PLCB1: variants seen among roughly 807,000 people sequenced by gnomAD.
PLCB1 encodes 1-phosphatidylinositol 4,5-bisphosphate phosphodiesterase beta-1.
In PLCB1, 46 loss-of-function variants were observed where a neutral mutation model predicts 161.8. The ratio of observed to expected loss-of-function variants is 0.28; its 90% CI spans 0.22 to 0.36. The LOEUF is 0.36. PLCB1 is among the 10% of genes least tolerant of loss of function. PLCB1 has a pLI of 1.00. For synonymous variants in PLCB1, 517 were observed against 503.7 expected (o/e 1.03, Z -0.35); for missense variants, 1,016 against 1,472.5 (o/e 0.69, Z 5.07).
intron 7 of PLCB1, chr20:8,651,510 T>C: frequency 1.4e-6 from 1 of 718,240 alleles, no homozygotes; most frequent in South Asian, 1.5e-5. Context: ...AATAAAATGC[T>C]TGAACCTGCT....
At chr20:8,370,977 A>G (rs558298462) in intron 2 of PLCB1, 84 of 164,636 alleles carry the variant, frequency 5.1e-4, no homozygotes, top group Non-Finnish European at 8.2e-4. Flanking sequence ...CTGGGTATGT[A>G]TGTGAGCCGA....
intron 2 of PLCB1, among the ~76,000 whole-genome samples, chr20:8,318,444 A>G (rs1450442274): frequency 7.0e-6 from 1 of 143,202 alleles, no homozygotes; most frequent in Non-Finnish European, 1.5e-5. Context: ...AGAAATAGAA[A>G]TTGCCCCCCC....
intron 2 of PLCB1, among the ~76,000 whole-genome samples, chr20:8,199,247 G>A (rs779428860): frequency 2.6e-5 from 4 of 151,952 alleles, no homozygotes; most frequent in Admixed American, 6.6e-5. Context: ...TGGAAATTTC[G>A]CCATTGTCGG....
intron 2 of PLCB1, chr20:8,305,999 G>A (rs959039070): frequency 6.6e-6 from 1 of 152,176 alleles, no homozygotes; most frequent in East Asian, 1.9e-4. Context: ...GGGCTAGGAT[G>A]CCTCCAGAAA....
chr20:8,420,086 A>G (rs571965145), intron 3 of PLCB1, among the ~76,000 whole-genome samples: 2 of 152,326 alleles, frequency 1.3e-5, no homozygotes, highest in African/African-American at 4.8e-5. Flanking sequence ...TACTTCCAAT[A>G]CATATTATAA....
intron 3 of PLCB1, among the ~76,000 whole-genome samples, chr20:8,465,548 A>G (rs1981780946): frequency 6.6e-6 from 1 of 152,146 alleles, no homozygotes; most frequent in African/African-American, 2.4e-5. Context: ...CAACTCACAC[A>G]TTTGAAATCA....
chr20:8,726,427 C>A (rs1274814735), intron 16 of PLCB1, among the ~76,000 whole-genome samples: 1 of 151,994 alleles, frequency 6.6e-6, no homozygotes, highest in Non-Finnish European at 1.5e-5. Context: ...GAAGAAATAT[C>A]CGAGACTGGG....
At chr20:8,792,222 T>A (rs1225311076) in intron 31 of PLCB1, 1 of 175,834 alleles carries the variant, frequency 5.7e-6, no homozygotes, top group African/African-American at 2.4e-5. Flanking sequence ...CCTTCCTACA[T>A]CCCCTCTAGC....
intron 2 of PLCB1, among the ~76,000 whole-genome samples, chr20:8,181,460 G>A (rs904508289): frequency 7.2e-5 from 11 of 152,044 alleles, no homozygotes; most frequent in African/African-American, 2.4e-4. Context: ...TTTTTTAAAA[G>A]GAAGAAGTTT....
chr20:8,458,664 A>G (rs970233234), intron 3 of PLCB1, among the ~76,000 whole-genome samples: 1 of 152,116 alleles, frequency 6.6e-6, no homozygotes, highest in African/African-American at 2.4e-5. Flanking sequence ...CGCATATTCA[A>G]TTTGGCCTGC....
intron 3 of PLCB1, among the ~76,000 whole-genome samples, chr20:8,441,300 A>G (rs907503133): frequency 6.6e-6 from 1 of 152,192 alleles, no homozygotes; most frequent in African/African-American, 2.4e-5. Flanking sequence ...CTTACCGACC[A>G]TAATAGGATA....
chr20:8,585,546 C>T (rs986574949), intron 3 of PLCB1, among the ~76,000 whole-genome samples: 7 of 152,222 alleles, frequency 4.6e-5, no homozygotes, highest in African/African-American at 1.4e-4. Flanking sequence ...TCTACCATAT[C>T]GGTTCATGTC....
intron 3 of PLCB1, among the ~76,000 whole-genome samples, chr20:8,551,146 G>A (rs758540869): frequency 1.3e-5 from 2 of 152,014 alleles, no homozygotes; most frequent in Admixed American, 6.6e-5. Context: ...TAAATTGTTG[G>A]TTTTCAATTT....
chr20:8,858,267 C>T (rs6140771), intron 31 of PLCB1, among the ~76,000 whole-genome samples: 42,919 of 152,032 alleles, frequency 0.28, 7,381 homozygotes, highest in East Asian at 0.65. Context: ...TTTGGTAATG[C>T]GGCTCCTGTG....
intron 3 of PLCB1, among the ~76,000 whole-genome samples, chr20:8,482,092 A>AT (rs199634903): frequency 0.02 from 2,140 of 104,588 alleles, 194 homozygotes; most frequent in African/African-American, 0.036. Context: ...GCTTGAAGGA[A>AT]TTTTTTTTTT....
chr20:8,427,855 G>A (rs1377765169), intron 3 of PLCB1, among the ~76,000 whole-genome samples: 1 of 152,154 alleles, frequency 6.6e-6, no homozygotes, highest in Non-Finnish European at 1.5e-5. Context: ...AAAACTGAAT[G>A]TTTCATAATG....
chr20:8,756,875 C>T (rs1037968291), intron 23 of PLCB1, among the ~76,000 whole-genome samples, 171 bp from the exon 24 acceptor site: 1 of 152,164 alleles, frequency 6.6e-6, no homozygotes, highest in Non-Finnish European at 1.5e-5. Context: ...CTCCCATAGT[C>T]ATGGCTCAAC....
rs148022570 is a variant in PLCB1 at position 8,253,794 on chromosome 20, C to T, written c.177+103423C>T. 5.1e-4 allele frequency among the ~76,000 whole-genome samples: 78 copies of T among 151,958 alleles called. 1 individual carries two copies. The highest frequency in any genetic ancestry group is 3.4e-3 in the Middle Eastern group (1 of 294). On this transcript the variant is annotated intron_variant, in intron 2 of 31. Transcript: ENST00000338037. Reference sequence around the variant, plus strand: ...TCCTCCCTCCCCACTCTAGTATTCCCCAGTTTCTATTGTTGCTATCTTTGT... The same window carrying T: ...TCCTCCCTCCCCACTCTAGTATTCCTCAGTTTCTATTGTTGCTATCTTTGT...
chr20:8,180,747 A>G (rs1387671307), intron 2 of PLCB1, among the ~76,000 whole-genome samples: 1 of 152,224 alleles, frequency 6.6e-6, no homozygotes, highest in African/African-American at 2.4e-5. Context: ...ATCTAGGATA[A>G]CAATAAATGA....
Sources: gnomAD v4.1 joint callset for allele counts (sites outside exome capture counted in the v4.1 genomes callset) on GRCh38, gnomAD v4.1.1 for gene constraint, MANE v1.5 for transcripts, NCBI Gene and HGNC (gene_info 2026-07-23, HGNC 2026-07-21) for gene names.